CSF2RA: variants seen among roughly 807,000 people sequenced by gnomAD.
CSF2RA encodes granulocyte-macrophage colony-stimulating factor receptor subunit alpha.
In CSF2RA, 42 loss-of-function variants were observed where a neutral mutation model predicts 51.6. The observed-to-expected ratio is 0.81, with a 90% CI of 0.64 to 1.05. The LOEUF is 1.05. Ranked by LOEUF, CSF2RA falls within the 50% of genes least tolerant of loss-of-function variation. The probability of loss-of-function intolerance (pLI) is 0.00; values close to 1 mark genes in which losing one functional copy is unlikely to be tolerated. For missense variants in CSF2RA, 530 were observed against 501.1 expected (o/e 1.06, Z -0.55); for synonymous variants, 222 against 193.0 (o/e 1.15, Z -1.24).
chrX:1,269,637 GAA>G (rs1344440817), intron 1 of CSF2RA, among the ~76,000 whole-genome samples: 1 of 36,820 alleles, frequency 2.7e-5, no homozygotes, highest in Non-Finnish European at 9.2e-5. Flanking sequence ...AAAAGAAAAA[GAA>G]AAAAAAAGAG....
intron 10 of CSF2RA, chrX:1,303,410 T>C (rs757861098): frequency 3.0e-5 from 9 of 299,644 alleles, no homozygotes; most frequent in African/African-American, 1.8e-4. Context: ...TAATTTTGTA[T>C]TTTTTTTTTA....
intron 8 of CSF2RA, among the ~76,000 whole-genome samples, chrX:1,294,900 G>C (rs1279149059): frequency 6.6e-6 from 1 of 152,170 alleles, no homozygotes; most frequent in Non-Finnish European, 1.5e-5. Flanking sequence ...CCTCCATGGA[G>C]ACCCAGTGTA....
At chrX:1,274,350 G>T (rs1462844342) in intron 1 of CSF2RA, among the ~76,000 whole-genome samples, 3 of 151,464 alleles carry the variant, frequency 2.0e-5, no homozygotes, top group African/African-American at 7.3e-5. Flanking sequence ...ATCCAGTCTT[G>T]TTCTGTCACC....
chrX:1,290,415 A>G lies in CSF2RA; in HGVS notation c.552A>G (p.Ser184=), dbSNP rs144461474. 2.8e-5 allele frequency: 45 copies of G among 1,613,782 alleles called. No homozygotes were observed. In the African/African-American group the frequency reaches 6.0e-4, roughly 22 times the overall value. The change falls in exon 7 of 13, where the codon TCA becomes TCG. Residue 184 remains serine (S), a synonymous_variant. Transcript: ENST00000381529. The part of the protein sequence containing the change: ...THVGCHLDNL[S]GLTSRNYFLV... ...TGGGATGTCACCTGGATAACCTGTC[A>G]GGATTAACGTCTCGCAATTACTTTC...
rs1426766510 is a variant in CSF2RA at position 1,285,700 on chromosome X, T to C, written c.77-78T>C. On this transcript the variant is annotated intron_variant, in intron 3 of 12. Coordinates refer to ENST00000381529, the MANE Select transcript of CSF2RA (RefSeq NM_172245.4). The stretch of plus-strand genomic sequence containing the variant: ...CTGGGAGACAAAGCCAGACTCCGTC[T>C]CAAAAAAAAAAAAAAAAAAAAAAAA... 24 of 1,175,670 alleles carry C rather than the reference T, an allele frequency of 2.0e-5. No homozygotes were observed. In the East Asian group the frequency reaches 6.0e-4, roughly 29 times the overall value. 72.8% of individuals were successfully genotyped at this position (1,175,670 alleles called of 1,614,324 possible). A position where few individuals can be genotyped will look rare whatever the true frequency, so the allele number is the denominator to read the frequency against.
At chrX:1,314,200 GAACCGCACTGCACCTGCCC>G (rs1282799158), downstream of CSF2RA, among the ~76,000 whole-genome samples, 87 of 75,654 alleles carry the variant, frequency 1.1e-3, 2 homozygotes, top group African/African-American at 8.7e-3. Flanking sequence ...AGCTTTTGCA[GAACCGCACTGCACCTGCCC>G]AACCCCACTG....
intron 1 of CSF2RA, among the ~76,000 whole-genome samples, chrX:1,272,825 CTTTT>C (rs769498285): frequency 7.6e-6 from 1 of 131,418 alleles, no homozygotes; most frequent in Non-Finnish European, 1.6e-5. Context: ...TTCTTTTTTT[CTTTT>C]TTTTTTTTAG....
intron 10 of CSF2RA, among the ~76,000 whole-genome samples, chrX:1,301,173 A>G (rs1170505974): frequency 6.7e-6 from 1 of 149,018 alleles, no homozygotes; most frequent in Admixed American, 6.7e-5. Flanking sequence ...AGAAAAAAAA[A>G]TACAAAAACT....
intron 2 of CSF2RA, among the ~76,000 whole-genome samples, chrX:1,280,269 C>G (rs1467133770): frequency 3.3e-5 from 5 of 151,866 alleles, no homozygotes; most frequent in Non-Finnish European, 5.9e-5. Context: ...GTCAGGAGTT[C>G]GAGCCCAGCC....
At chrX:1,322,099 A>ATTAT in the CSF2RA span, among the ~76,000 whole-genome samples, 884 of 146,730 alleles carry the variant, frequency 6.0e-3, 12 homozygotes, top group East Asian at 0.032. Flanking sequence ...ATAACATCCT[A>ATTAT]TTATTTATTT....
At position 1,301,327 on chromosome X, in the gene CSF2RA, GTCTCAAAAAAAA is replaced by G. The variant is rs777975911; in HGVS notation, c.946+702_946+713del. ...AGCCTGGGTGACAGAGTGAGACTCT[GTCTCAAAAAAAA>G]AAAAAAAAAAAAAAAGAAAAAGTAG... is the stretch of plus-strand genomic sequence containing the variant. On this transcript the variant is annotated intron_variant, in intron 10 of 12. Coordinates refer to ENST00000381529, the MANE Select transcript of CSF2RA (RefSeq NM_172245.4). Among the ~76,000 whole-genome samples, 440 of 66,332 alleles carry G rather than the reference GTCTCAAAAAAAA, an allele frequency of 6.6e-3. 1 individual carries two copies. The highest frequency in any genetic ancestry group is 0.031 in the African/African-American group (418 of 13,386). The allele number at this position is 66,332 out of a possible 152,430, so 43.5% of individuals were successfully genotyped here. A position where few individuals can be genotyped will look rare whatever the true frequency, so the allele number is the denominator to read the frequency against.
At chrX:1,291,946 T>G (rs183043953) in intron 7 of CSF2RA, among the ~76,000 whole-genome samples, 3 of 116,910 alleles carry the variant, frequency 2.6e-5, no homozygotes, top group Admixed American at 9.9e-5. Context: ...CTTTACCCAG[T>G]GTAGACAGAA....
At chrX:1,283,820 C>T (rs1303009534) in intron 3 of CSF2RA, among the ~76,000 whole-genome samples, 1 of 151,926 alleles carries the variant, frequency 6.6e-6, no homozygotes, top group African/African-American at 2.4e-5. Context: ...TCCCGTGCCT[C>T]GGCCTCCCAA....
At chrX:1,280,149 G>T (rs2089708999) in intron 2 of CSF2RA, among the ~76,000 whole-genome samples, 1 of 152,036 alleles carries the variant, frequency 6.6e-6, no homozygotes, top group Admixed American at 6.6e-5. Flanking sequence ...GGACAGATGG[G>T]TCCCACCAGG....
At chrX:1,279,648 G>A (rs1242626058) in intron 2 of CSF2RA, among the ~76,000 whole-genome samples, 1 of 151,990 alleles carries the variant, frequency 6.6e-6, no homozygotes, top group East Asian at 1.9e-4. Flanking sequence ...CCACATCCCT[G>A]TCATGTGGGC....
the CSF2RA span, among the ~76,000 whole-genome samples, chrX:1,317,462 G>C: frequency 6.9e-6 from 1 of 145,614 alleles, no homozygotes; most frequent in Non-Finnish European, 1.5e-5. Flanking sequence ...CATCAGTCAG[G>C]CTGGTCTCGA....
At chrX:1,292,383 A>G (rs1214087322) in intron 7 of CSF2RA, among the ~76,000 whole-genome samples, 25 of 152,138 alleles carry the variant, frequency 1.6e-4, no homozygotes, top group African/African-American at 5.1e-4. Flanking sequence ...AAGTATAGAG[A>G]AAGAACAGTG....
chrX:1,284,431 A>ATTTT (rs1298855394), intron 3 of CSF2RA, among the ~76,000 whole-genome samples: 1 of 29,368 alleles, frequency 3.4e-5, no homozygotes, highest in Admixed American at 4.5e-4. Context: ...CTAGTTTTTG[A>ATTTT]TTTTTTTTTT....
chrX:1,323,187 T>TAA, the CSF2RA span, among the ~76,000 whole-genome samples: 12 of 48,550 alleles, frequency 2.5e-4, no homozygotes, highest in Non-Finnish European at 5.3e-4. Context: ...AAATAAAATA[T>TAA]AAAATGGTCT....
Sources: gnomAD v4.1 joint callset for allele counts (sites outside exome capture counted in the v4.1 genomes callset) on GRCh38, gnomAD v4.1.1 for gene constraint, MANE v1.5 for transcripts, NCBI Gene and HGNC (gene_info 2026-07-23, HGNC 2026-07-21) for gene names.